The following RAD17 variants were observed in gnomAD, a reference collection of about 807,000 sequenced individuals.
RAD17 encodes the protein cell cycle checkpoint protein RAD17.
In RAD17, 31 loss-of-function variants were observed where a neutral mutation model predicts 81.5. The ratio of observed to expected loss-of-function variants is 0.38; its 90% CI spans 0.29 to 0.51. The LOEUF is 0.51. Ranked by LOEUF, RAD17 falls within the 20% of genes least tolerant of loss-of-function variation. The pLI is 0.88. For missense variants in RAD17, 681 were observed against 781.2 expected (o/e 0.87, Z 1.53); for synonymous variants, 261 against 266.2 (o/e 0.98, Z 0.19).
At chr5:69,394,191 G>A (rs543715111) in intron 15 of RAD17, among the ~76,000 whole-genome samples, 1 of 150,550 alleles carries the variant, frequency 6.6e-6, no homozygotes, top group South Asian at 2.1e-4. Flanking sequence ...CCATCTAGTA[G>A]CTGGGACTAC....
chr5:69,375,974 A>G (rs1763308806), intron 6 of RAD17, among the ~76,000 whole-genome samples: 1 of 152,134 alleles, frequency 6.6e-6, no homozygotes, highest in Admixed American at 6.6e-5. Flanking sequence ...ATAATGATTA[A>G]CTTATTCGTC....
rs923416478 is a variant in RAD17 at position 69,374,222 on chromosome 5, T to C, written c.267+135T>C. The stretch of plus-strand genomic sequence containing the variant: ...TCTAAGTGTTAGAAAAAATTCTGGA[T>C]TTTTTTATTTTCCAAGGCTTAGATT... On this transcript the variant is annotated intron_variant, in intron 5 of 18. Coordinates refer to ENST00000354868, the MANE Select transcript of RAD17 (RefSeq NM_133338.3). 54 of 777,226 alleles carry C rather than the reference T, an allele frequency of 6.9e-5. 1 individual carries two copies. The highest frequency in any genetic ancestry group is 4.8e-4 in the Admixed American group (15 of 31,426). 48.1% of individuals were successfully genotyped at this position (777,226 alleles called of 1,614,324 possible). A position where few individuals can be genotyped will look rare whatever the true frequency, so the allele number is the denominator to read the frequency against.
At position 69,379,885 on chromosome 5, in the gene RAD17, C is replaced by CT. The variant is rs1166961859; in HGVS notation, c.352-2002dup. 2.0e-3 allele frequency among the ~76,000 whole-genome samples: 289 copies of CT among 143,298 alleles called. 1 individual carries two copies. Among genetic ancestry groups the CT allele is most frequent in the Middle Eastern group, 7.0e-3 (2 of 284 alleles). 94.0% of individuals were successfully genotyped at this position (143,298 alleles called of 152,430 possible). Reference sequence around the variant, plus strand: ...CCTGAGGCTGTTTTATAGTTAACTTCTTTTTTTTTTTTTTGACAGAGTTTC... The same window carrying CT: ...CCTGAGGCTGTTTTATAGTTAACTTCTTTTTTTTTTTTTTTGACAGAGTTTC... On this transcript the variant is annotated intron_variant, in intron 6 of 18. Coordinates refer to ENST00000354868, the MANE Select transcript of RAD17 (RefSeq NM_133338.3).
rs553154133 is a variant in RAD17 at position 69,395,995 on chromosome 5, G to A, written c.1423-402G>A. 8.5e-5 allele frequency among the ~76,000 whole-genome samples: 13 copies of A among 152,164 alleles called. 1 individual carries two copies. In the South Asian group the frequency reaches 2.7e-3, roughly 32 times the overall value. ...GTGAGCCACTGCGCCCAGCTGCATA[G>A]TCATATTTTAGTTTCAATTATATTT... On this transcript the variant is annotated intron_variant, in intron 15 of 18. Coordinates refer to ENST00000354868, the MANE Select transcript of RAD17 (RefSeq NM_133338.3).
At chr5:69,377,785 ATTTG>A in intron 6 of RAD17, among the ~76,000 whole-genome samples, 1 of 149,154 alleles carries the variant, frequency 6.7e-6, no homozygotes, top group East Asian at 2.0e-4. Context: ...TACTCTGTTT[ATTTG>A]TTTATTAATT....
chr5:69,386,330 A>G (rs1764210688), intron 10 of RAD17, 25 bp downstream of exon 10: 1 of 1,589,080 alleles, frequency 6.3e-7, no homozygotes, highest in African/African-American at 1.4e-5. Flanking sequence ...TCTGCTTATA[A>G]AGGTCACATA....
intron 18 of RAD17, among the ~76,000 whole-genome samples, chr5:69,411,123 A>T (rs1005033521): frequency 6.6e-6 from 1 of 151,736 alleles, no homozygotes; most frequent in African/African-American, 2.4e-5. Context: ...TAAAGATTTT[A>T]AAAATGGCCG....
At chr5:69,401,122 A>G (rs919300913) in intron 17 of RAD17, among the ~76,000 whole-genome samples, 4 of 151,764 alleles carry the variant, frequency 2.6e-5, no homozygotes, top group African/African-American at 7.3e-5. Context: ...AGGCAGGAGA[A>G]CCTTCAACCC....
Position 69,393,470 on chromosome 5 carries a change from T to G in RAD17, c.1392T>G (p.Ser464Arg). The change falls in exon 15 of 19, where the codon AGT (serine) becomes AGG (arginine). Residue 464 changes from serine to arginine, a missense_variant. Coordinates refer to ENST00000354868, the MANE Select transcript of RAD17 (RefSeq NM_133338.3). ...TTGTGAGAGCCAGTGAATTTCTGAG[T>G]TTTGCAGATATCCTCAGTGGTGACT... is the stretch of plus-strand genomic sequence containing the variant. ...DDIVRASEFL[S>R]FADILSGDWN... 9.3e-6 allele frequency: 15 copies of G among 1,610,426 alleles called. No individual in the cohort carries two copies. The highest frequency in any genetic ancestry group is 1.1e-5 in the Non-Finnish European group (13 of 1,178,812).
At chr5:69,401,013 TG>T (rs909391494) in intron 17 of RAD17, among the ~76,000 whole-genome samples, 1 of 150,734 alleles carries the variant, frequency 6.6e-6, no homozygotes, top group Non-Finnish European at 1.5e-5. Context: ...CCCAGCACTT[TG>T]GGAGGCCAAG....
intron 16 of RAD17, 127 bp downstream of exon 16, chr5:69,396,673 G>T: frequency 9.5e-7 from 1 of 1,054,754 alleles, no homozygotes; most frequent in Non-Finnish European, 1.3e-6. Context: ...TAATAAAATA[G>T]TTGCTAAGGT....
intron 6 of RAD17, among the ~76,000 whole-genome samples, chr5:69,380,388 T>A (rs1399642638): frequency 6.6e-6 from 1 of 152,202 alleles, no homozygotes; most frequent in Admixed American, 6.5e-5. Context: ...TTATTGTTAC[T>A]AGGAATTTTT....
rs1359294720 is a variant in RAD17 at position 69,377,668 on chromosome 5, T to TATATATGCATATATATGTATAC, written c.351+2963_351+2964insGCATATATATGTATACATATAT. Among the ~76,000 whole-genome samples, 17 of 33,660 alleles carry TATATATGCATATATATGTATAC rather than the reference T, an allele frequency of 5.1e-4. 5 individuals are homozygous for TATATATGCATATATATGTATAC. Among genetic ancestry groups the TATATATGCATATATATGTATAC allele is most frequent in the Non-Finnish European group, 1.1e-3 (15 of 13,584 alleles). 22.1% of individuals were successfully genotyped at this position (33,660 alleles called of 152,430 possible). On this transcript the variant is annotated intron_variant, in intron 6 of 18. Coordinates refer to ENST00000354868, the MANE Select transcript of RAD17 (RefSeq NM_133338.3). ...ATATATGCATATATATATGTATACA[T>TATATATGCATATATATGTATAC]ATATATATGCATATATATATATGTA...
chr5:69,377,710 T>TATATATGTATACATATATATATG (rs1169754744), intron 6 of RAD17, among the ~76,000 whole-genome samples: 1 of 91,262 alleles, frequency 1.1e-5, no homozygotes. Context: ...TATATATGTA[T>TATATATGTATACATATATATATG]TGGGAAAAGT....
rs148882628 is a variant in RAD17 at position 69,414,257 on chromosome 5, A to G, written c.1978A>G (p.Ile660Val). Reference sequence around the variant, plus strand: ...AGCCCAAGGAGACATGGAAGAAAACATAATAATAGAAGACTACGAGAGTGA... The same window carrying G: ...AGCCCAAGGAGACATGGAAGAAAACGTAATAATAGAAGACTACGAGAGTGA... ...FSAQGDMEEN[I>V]IIEDYESDGT Residue 660 changes from isoleucine (I) to valine (V), a missense_variant, in exon 19 of 19, where the codon ATA (isoleucine) becomes GTA (valine). Transcript: ENST00000354868. 9.9e-6 allele frequency: 16 copies of G among 1,614,076 alleles called. No homozygotes were observed. The African/African-American group carries it at 1.9e-4, about 19-fold the overall frequency.
At chr5:69,391,284 C>T (rs1764541097) in intron 12 of RAD17, among the ~76,000 whole-genome samples, 1 of 151,952 alleles carries the variant, frequency 6.6e-6, no homozygotes, top group Non-Finnish European at 1.5e-5. Flanking sequence ...GATTAAATTC[C>T]TATGTATTAC....
At chr5:69,408,998 T>C (rs1237682782) in intron 17 of RAD17, among the ~76,000 whole-genome samples, 2 of 152,226 alleles carry the variant, frequency 1.3e-5, no homozygotes, top group African/African-American at 4.8e-5. Flanking sequence ...AGTTGGCTTA[T>C]GTTTAGCTTG....
upstream of RAD17, chr5:69,369,452 C>G (rs757608595): frequency 8.1e-6 from 13 of 1,610,326 alleles, no homozygotes; most frequent in African/African-American, 1.7e-4. Flanking sequence ...CTCCCGGCCG[C>G]GCGCCCTGAC....
chr5:69,379,126 C>T (rs1464084769), intron 6 of RAD17, among the ~76,000 whole-genome samples: 1 of 152,060 alleles, frequency 6.6e-6, no homozygotes, highest in African/African-American at 2.4e-5. Flanking sequence ...CCTGTAGTCC[C>T]AGCTATATGG....
Sources: gnomAD v4.1 joint callset for allele counts (sites outside exome capture counted in the v4.1 genomes callset) on GRCh38, gnomAD v4.1.1 for gene constraint, MANE v1.5 for transcripts, NCBI Gene and HGNC (gene_info 2026-07-23, HGNC 2026-07-21) for gene names.